The following SNX7 variants were observed in gnomAD, a reference collection of about 807,000 sequenced individuals.
SNX7 encodes sorting nexin-7.
In SNX7, 35 loss-of-function variants were observed where a neutral mutation model predicts 48.4. The observed-to-expected ratio is 0.72, with a 90% CI of 0.55 to 0.96. The LOEUF (loss-of-function observed/expected upper bound fraction) is 0.96, where lower values mean the gene tolerates loss of function less well. SNX7 is among the 40% of genes least tolerant of loss of function. SNX7 has a pLI of 0.00. For missense variants in SNX7, 553 were observed against 548.9 expected (o/e 1.01, Z -0.07); for synonymous variants, 190 against 190.2 (o/e 1.00, Z 0.01).
At chr1:98,679,449 A>T (rs1473527798) in intron 1 of SNX7, among the ~76,000 whole-genome samples, 1 of 152,054 alleles carries the variant, frequency 6.6e-6, no homozygotes, top group Non-Finnish European at 1.5e-5. Context: ...TATCAAAAAC[A>T]ATCATGCCCT....
chr1:98,679,599 G>A (rs746001147), intron 1 of SNX7, among the ~76,000 whole-genome samples: 1 of 152,150 alleles, frequency 6.6e-6, no homozygotes, highest in Admixed American at 6.6e-5. Context: ...AGATACAATG[G>A]GGGTACAGAC....
At chr1:98,685,798 C>G (rs1307416272) in intron 2 of SNX7, among the ~76,000 whole-genome samples, 2 of 152,066 alleles carry the variant, frequency 1.3e-5, no homozygotes, top group Non-Finnish European at 2.9e-5. Context: ...ATCACTTCTT[C>G]CAATGAAACT....
chr1:98,748,031 C>T (rs1268163950), intron 8 of SNX7, among the ~76,000 whole-genome samples: 2 of 145,846 alleles, frequency 1.4e-5, no homozygotes, highest in Non-Finnish European at 1.5e-5. Flanking sequence ...GGCTGGAGTG[C>T]AGTGCTCCAA....
At chr1:98,726,058 G>A (rs1653147415) in intron 7 of SNX7, among the ~76,000 whole-genome samples, 1 of 152,066 alleles carries the variant, frequency 6.6e-6, no homozygotes, top group African/African-American at 2.4e-5. Context: ...GATTCATTTA[G>A]GACAATTCTG....
rs919267369 is a variant in SNX7 at position 98,663,252 on chromosome 1, GGTTTTTTTTTTTTTTTTTTTTTTTT to G, written c.180+1342_180+1366del. Among the ~76,000 whole-genome samples, 22 of 83,158 alleles carry G rather than the reference GGTTTTTTTTTTTTTTTTTTTTTTTT, an allele frequency of 2.6e-4. 1 individual carries two copies. Among genetic ancestry groups the G allele is most frequent in the South Asian group, 4.1e-4 (1 of 2,448 alleles). The allele number at this position is 83,158 out of a possible 152,430, so 54.6% of individuals were successfully genotyped here. On this transcript the variant is annotated intron_variant, in intron 1 of 8. Transcript: ENST00000306121. ...ATCAGAATCATCAGGGTTTCTTTCT[GGTTTTTTTTTTTTTTTTTTTTTTTT>G]TTTTTTTTTTTTTTTGTCGGGGCTG...
At chr1:98,676,867 C>G (rs944735081) in intron 1 of SNX7, among the ~76,000 whole-genome samples, 1 of 152,104 alleles carries the variant, frequency 6.6e-6, no homozygotes, top group African/African-American at 2.4e-5. Context: ...TCAGTGCCTG[C>G]TTAGTCAATG....
intron 7 of SNX7, among the ~76,000 whole-genome samples, chr1:98,733,721 C>T (rs1226532353): frequency 6.6e-6 from 1 of 152,036 alleles, no homozygotes; most frequent in African/African-American, 2.4e-5. Context: ...CCTCCATTTT[C>T]GTTCCTAACG....
intron 7 of SNX7, among the ~76,000 whole-genome samples, chr1:98,729,812 C>G (rs1246726342): frequency 6.6e-6 from 1 of 151,956 alleles, no homozygotes; most frequent in African/African-American, 2.4e-5. Flanking sequence ...AGATTTACAG[C>G]TGAATTCTAC....
In SNX7 at chr1:98,738,299, A is replaced by C. The variant is rs746971907; in HGVS notation, c.1188A>C (p.Ala396=). Residue 396 remains alanine (A), a synonymous_variant, in exon 8 of 9, where the codon GCA becomes GCC. Transcript: ENST00000306121. Reference sequence around the variant, plus strand: ...AATGTGCTAATAATGCCCTGAAAGCAGATTGGGAGAGATGGAAACAAAATA... The same window carrying C: ...AATGTGCTAATAATGCCCTGAAAGCCGATTGGGAGAGATGGAAACAAAATA... ...KVECANNALK[A]DWERWKQNMQ... is the part of the protein sequence containing the mutation. 1.8e-5 allele frequency: 29 copies of C among 1,613,528 alleles called. No individual in the cohort carries two copies. Among genetic ancestry groups the C allele is most frequent in the Non-Finnish European group, 2.4e-5 (28 of 1,179,766 alleles).
chr1:98,716,612 T>C (rs1652604062), intron 7 of SNX7, among the ~76,000 whole-genome samples: 1 of 152,118 alleles, frequency 6.6e-6, no homozygotes, highest in Admixed American at 6.6e-5. Flanking sequence ...AGTGGAGATT[T>C]TGATAAGAAA....
intron 7 of SNX7, among the ~76,000 whole-genome samples, chr1:98,732,225 G>A (rs1653550423): frequency 6.6e-6 from 1 of 152,134 alleles, no homozygotes. Flanking sequence ...TATCTGAGAT[G>A]TGTCTTAATC....
intron 7 of SNX7, among the ~76,000 whole-genome samples, chr1:98,709,255 A>G (rs1652176044): frequency 6.6e-6 from 1 of 152,218 alleles, no homozygotes; most frequent in South Asian, 2.1e-4. Flanking sequence ...TATTAGTTTC[A>G]TTCTTCTAGA....
intron 1 of SNX7, among the ~76,000 whole-genome samples, chr1:98,672,186 G>A (rs983994536): frequency 1.3e-5 from 2 of 151,918 alleles, no homozygotes; most frequent in Non-Finnish European, 1.5e-5. Context: ...TTTCTTGCTC[G>A]TTTATCTGTC....
intron 4 of SNX7, among the ~76,000 whole-genome samples, chr1:98,694,009 T>C (rs1327418920): frequency 1.3e-5 from 2 of 152,242 alleles, no homozygotes; most frequent in Non-Finnish European, 2.9e-5. Context: ...ATAGGATGTT[T>C]TCTATTTTGC....
intron 1 of SNX7, among the ~76,000 whole-genome samples, chr1:98,681,616 G>A (rs1170493666): frequency 2.0e-5 from 3 of 152,110 alleles, no homozygotes; most frequent in Non-Finnish European, 4.4e-5. Context: ...AAGTAGCTTC[G>A]AATAGGTCTA....
At chr1:98,706,744 A>G (rs564113292) in intron 7 of SNX7, among the ~76,000 whole-genome samples, 1 of 152,120 alleles carries the variant, frequency 6.6e-6, no homozygotes, top group African/African-American at 2.4e-5. Flanking sequence ...TATATTTCGC[A>G]GGAAGAGCTG....
At chr1:98,675,384 C>G (rs909804730) in intron 1 of SNX7, among the ~76,000 whole-genome samples, 2 of 152,106 alleles carry the variant, frequency 1.3e-5, no homozygotes, top group African/African-American at 4.8e-5. Context: ...TTAAATCCTT[C>G]TACTGAAATC....
intron 7 of SNX7, among the ~76,000 whole-genome samples, chr1:98,714,429 C>A (rs1487784852): frequency 1.8e-5 from 2 of 111,364 alleles, no homozygotes; most frequent in Admixed American, 1.7e-4. Context: ...AAGCCCGTCT[C>A]CCTAGGAGCT....
chr1:98,729,626 TA>T (rs1653387072), intron 7 of SNX7, among the ~76,000 whole-genome samples: 1 of 151,940 alleles, frequency 6.6e-6, no homozygotes, highest in African/African-American at 2.4e-5. Context: ...GAGAATACTA[TA>T]AACACCTCTA....
Sources: gnomAD v4.1 joint callset for allele counts (sites outside exome capture counted in the v4.1 genomes callset) on GRCh38, gnomAD v4.1.1 for gene constraint, MANE v1.5 for transcripts, NCBI Gene and HGNC (gene_info 2026-07-23, HGNC 2026-07-21) for gene names.